DTNA: variants seen among roughly 807,000 people sequenced by gnomAD.
DTNA encodes the protein dystrophin-related protein 3.
DTNA carries 43 observed loss-of-function variants against 100.7 expected under a neutral mutation model. That is an observed-to-expected ratio of 0.43 (90% CI 0.33 to 0.55). The LOEUF (loss-of-function observed/expected upper bound fraction) is 0.55. Ranked by LOEUF, DTNA falls within the 20% of genes least tolerant of loss-of-function variation. DTNA has a pLI of 0.04. For missense variants in DTNA, 798 were observed against 953.9 expected (o/e 0.84, Z 2.15); for synonymous variants, 349 against 347.9 (o/e 1.00, Z -0.04).
chr18:34,884,697 C>G (rs776768695), intron 21 of DTNA, 31 bp from the exon 22 acceptor site: 1 of 1,613,846 alleles, frequency 6.2e-7, no homozygotes, highest in Non-Finnish European at 8.5e-7. Flanking sequence ...GACGTGTCAC[C>G]TTTCTCGTTT....
intron 1 of DTNA, among the ~76,000 whole-genome samples, chr18:34,585,308 C>T (rs1449576684): frequency 6.6e-6 from 1 of 152,016 alleles, no homozygotes; most frequent in East Asian, 1.9e-4. Context: ...AGGAATGTTG[C>T]ATTTCTATTG....
At chr18:34,809,913 C>T (rs760331283) in intron 5 of DTNA, among the ~76,000 whole-genome samples, 2 of 152,150 alleles carry the variant, frequency 1.3e-5, no homozygotes, top group African/African-American at 2.4e-5. Flanking sequence ...GCATCATTGA[C>T]ACAGCTTAGG....
intron 1 of DTNA, among the ~76,000 whole-genome samples, chr18:34,715,327 T>C (rs1181293990): frequency 1.3e-5 from 2 of 152,164 alleles, no homozygotes; most frequent in Admixed American, 1.3e-4. Context: ...ATATTTTTAG[T>C]ATATAAAGGG....
chr18:34,877,825 C>T lies in DTNA; in HGVS notation c.1993+17C>T, dbSNP rs2096833103. ...TGAATTCTGGTGAGTTCCTGATTCC[C>T]TCTCATTTGTCTGCTCATCATGGAG... On this transcript the variant is annotated intron_variant, in intron 19 of 22. Transcript: ENST00000444659. The T allele has an allele frequency of 6.2e-7, 1 of 1,607,072 alleles. No individual in the cohort carries two copies. Among genetic ancestry groups the T allele is most frequent in the Non-Finnish European group, 8.5e-7 (1 of 1,173,902 alleles).
chr18:34,749,639 C>CAAAAAAAAAAA (rs1232445254), intron 1 of DTNA, among the ~76,000 whole-genome samples: 7 of 75,098 alleles, frequency 9.3e-5, no homozygotes, highest in African/African-American at 2.6e-4. Flanking sequence ...CACCTCTCTC[C>CAAAAAAAAAAA]AAAAAATAAT....
At chr18:34,832,111 G>A (rs1941752) in intron 11 of DTNA, among the ~76,000 whole-genome samples, 1 of 152,182 alleles carries the variant, frequency 6.6e-6, no homozygotes, top group Middle Eastern at 3.2e-3. Context: ...GATACTGATT[G>A]TAGCCTCTCC....
chr18:34,775,330 C>CA (rs983410097), intron 3 of DTNA, among the ~76,000 whole-genome samples: 121 of 152,014 alleles, frequency 8.0e-4, no homozygotes, highest in South Asian at 2.7e-3. Context: ...ACTAAAAATA[C>CA]AAAAAATTAA....
chr18:34,750,118 TGTC>T (rs1197453670), intron 1 of DTNA, among the ~76,000 whole-genome samples: 1 of 152,240 alleles, frequency 6.6e-6, no homozygotes, highest in Non-Finnish European at 1.5e-5. Context: ...ATGGTAATGC[TGTC>T]ATCATATTAA....
intron 1 of DTNA, among the ~76,000 whole-genome samples, chr18:34,512,813 G>T (rs1397828860): frequency 6.6e-6 from 1 of 151,910 alleles, no homozygotes; most frequent in Admixed American, 6.6e-5. Context: ...TTTGCATCTT[G>T]CAGGTTATAG....
chr18:34,809,210 G>A (rs985553338), intron 5 of DTNA, among the ~76,000 whole-genome samples: 2 of 152,170 alleles, frequency 1.3e-5, no homozygotes, highest in Non-Finnish European at 2.9e-5. Context: ...CACAAAATCT[G>A]CCCGCAGAGA....
At chr18:34,848,877 G>A (rs1380924163) in intron 14 of DTNA, among the ~76,000 whole-genome samples, 1 of 152,180 alleles carries the variant, frequency 6.6e-6, no homozygotes, top group East Asian at 1.9e-4. Flanking sequence ...GCTGACTAAG[G>A]GTGAGTTGCT....
intron 21 of DTNA, among the ~76,000 whole-genome samples, chr18:34,883,226 G>A (rs2096890579): frequency 6.6e-6 from 1 of 152,152 alleles, no homozygotes; most frequent in African/African-American, 2.4e-5. Context: ...GGTTGAACCT[G>A]GGCCTCAATG....
chr18:34,784,309 A>G (rs557404830), intron 3 of DTNA, among the ~76,000 whole-genome samples: 3 of 152,346 alleles, frequency 2.0e-5, no homozygotes, highest in Non-Finnish European at 2.9e-5. Context: ...AGTGTTATAT[A>G]CTGGGCAGTA....
intron 8 of DTNA, 79 bp downstream of exon 8, chr18:34,818,409 G>A: frequency 6.4e-7 from 1 of 1,566,456 alleles, no homozygotes. Context: ...AAGGATGGTG[G>A]CAGAATTAAA....
intron 1 of DTNA, among the ~76,000 whole-genome samples, chr18:34,616,957 T>G (rs1471738372): frequency 6.6e-6 from 1 of 152,162 alleles, no homozygotes; most frequent in African/African-American, 2.4e-5. Context: ...ATGCTACTGA[T>G]TTTTTTCATT....
chr18:34,680,463 A>G (rs753600708), intron 1 of DTNA, among the ~76,000 whole-genome samples: 7 of 152,154 alleles, frequency 4.6e-5, no homozygotes, highest in Non-Finnish European at 7.4e-5. Context: ...CTTTGAAGAA[A>G]GGTGATCTTC....
intron 1 of DTNA, among the ~76,000 whole-genome samples, chr18:34,552,655 AC>A (rs1568637752): frequency 6.6e-6 from 1 of 150,972 alleles, no homozygotes; most frequent in African/African-American, 2.4e-5. Flanking sequence ...GCGATAGTTT[AC>A]TGAGAATGAT....
intron 4 of DTNA, among the ~76,000 whole-genome samples, chr18:34,798,184 G>C (rs931325293): frequency 6.6e-6 from 1 of 152,068 alleles, no homozygotes; most frequent in African/African-American, 2.4e-5. Context: ...GTTTTTAGTA[G>C]AGATAGGGAT....
intron 1 of DTNA, among the ~76,000 whole-genome samples, chr18:34,576,684 C>T (rs1392337393): frequency 6.6e-6 from 1 of 152,114 alleles, no homozygotes; most frequent in Admixed American, 6.5e-5. Flanking sequence ...GTCTCGAATT[C>T]CCAACCTCAG....
Sources: gnomAD v4.1 joint callset for allele counts (sites outside exome capture counted in the v4.1 genomes callset) on GRCh38, gnomAD v4.1.1 for gene constraint, MANE v1.5 for transcripts, NCBI Gene and HGNC (gene_info 2026-07-23, HGNC 2026-07-21) for gene names.